SNRNP48: variants seen among roughly 807,000 people sequenced by gnomAD.
The protein encoded by SNRNP48 is small nuclear ribonucleoprotein U11/U12 subunit 48, also known as U11/U12 small nuclear ribonucleoprotein 48 kDa protein.
SNRNP48 carries 43 observed loss-of-function variants against 47.0 expected under a neutral mutation model. The observed-to-expected ratio is 0.92, with a 90% CI of 0.72 to 1.18. The LOEUF (loss-of-function observed/expected upper bound fraction) is 1.18, where lower values mean the gene tolerates loss of function less well. SNRNP48 is among the 50% of genes most tolerant of loss of function. The probability of loss-of-function intolerance (pLI) is 0.00; values close to 1 mark genes in which losing one functional copy is unlikely to be tolerated. For synonymous variants in SNRNP48, 138 were observed against 144.0 expected (o/e 0.96, Z 0.30); for missense variants, 396 against 422.2 (o/e 0.94, Z 0.54).
chr6:7,600,060 T>G (rs560750845), intron 4 of SNRNP48: 5 of 998,280 alleles, frequency 5.0e-6, no homozygotes, highest in Non-Finnish European at 6.0e-6. Context: ...TCAAAGCTGT[T>G]TTTATAATTT....
In SNRNP48 at chr6:7,592,372, AT is replaced by A. The variant is rs59852711; in HGVS notation, c.157-1345del. Among the ~76,000 whole-genome samples the A allele has an allele frequency of 9.5e-3, 1,315 of 139,052 alleles. 1 individual carries two copies. Among genetic ancestry groups the A allele is most frequent in the African/African-American group, 0.012 (457 of 37,942 alleles). The allele number at this position is 139,052 out of a possible 152,430, so 91.2% of individuals were successfully genotyped here. On this transcript the variant is annotated intron_variant, in intron 1 of 8. Transcript: ENST00000342415. ...TTGTCAGCCATATTAGAAAGTCTAG[AT>A]TTTTTTTTTTTTTTTTAATGAAGGC... is the stretch of plus-strand genomic sequence containing the variant.
At chr6:7,596,276 A>C (rs541259666) in intron 4 of SNRNP48, among the ~76,000 whole-genome samples, 10 of 151,930 alleles carry the variant, frequency 6.6e-5, no homozygotes, top group South Asian at 2.1e-4. Flanking sequence ...AAAAAAAAAA[A>C]CACACATAGA....
At chr6:7,595,740 A>C (rs1759893797) in intron 4 of SNRNP48, among the ~76,000 whole-genome samples, 1 of 152,194 alleles carries the variant, frequency 6.6e-6, no homozygotes, top group Non-Finnish European at 1.5e-5. Flanking sequence ...CTTGCTACCC[A>C]GTAAGTGAGT....
intron 8 of SNRNP48, among the ~76,000 whole-genome samples, chr6:7,608,502 C>T (rs1760174244): frequency 3.3e-5 from 5 of 151,952 alleles, no homozygotes; most frequent in Admixed American, 3.3e-4. Flanking sequence ...TGCAGTGAGC[C>T]AAGATCGTGC....
rs1240707968 is a variant in SNRNP48, at chr6:7,606,074, G to A, written c.850G>A (p.Gly284Ser). ...AGCTTCAGTAGATTCACGGCAGTCT[G>A]GTGGAAGCTATTTGGATGCTGAGTG... is the stretch of plus-strand genomic sequence containing the variant. ...RSASVDSRQS[G>S]GSYLDAECSR... The change falls in exon 8 of 9, where the codon GGT becomes AGT. Residue 284 changes from glycine to serine, a missense_variant. Physicochemically the swap from Gly to Ser is moderately conservative, Grantham distance 56. Transcript: ENST00000342415. 9 of 1,612,034 alleles carry A rather than the reference G, an allele frequency of 5.6e-6. No homozygotes were observed. Among genetic ancestry groups the A allele is most frequent in the Non-Finnish European group, 7.6e-6 (9 of 1,179,574 alleles).
At chr6:7,605,748 C>G (rs1229278883) in intron 7 of SNRNP48, among the ~76,000 whole-genome samples, 1 of 152,100 alleles carries the variant, frequency 6.6e-6, no homozygotes, top group Non-Finnish European at 1.5e-5. Context: ...GCCTAGTATT[C>G]CATTATGGGA....
At position 7,610,592 on chromosome 6, in the gene SNRNP48, G is replaced by C. The variant is rs910534843; in HGVS notation, c.*1719G>C. 13 of 152,194 alleles carry C rather than the reference G, an allele frequency of 8.5e-5. No homozygotes were observed. The highest frequency in any genetic ancestry group is 7.8e-4 in the Admixed American group (12 of 15,288). 9.4% of individuals were successfully genotyped at this position (152,194 alleles called of 1,614,324 possible). ...AACTGGAAGGAAGAAGAGTAAAATT[G>C]GCATATTTAGGTTTTTTGTAGAAGA... On this transcript the variant is annotated 3_prime_UTR_variant, in exon 9 of 9. Coordinates refer to ENST00000342415, the MANE Select transcript of SNRNP48 (RefSeq NM_152551.4).
In SNRNP48 at chr6:7,610,709, T is replaced by C. The variant is rs1294215778; in HGVS notation, c.*1836T>C. ...GAAGAGATTGAAAATGTTACCAGAG[T>C]TCTTTAAAGCTCACATTTTATAGTA... On this transcript the variant is annotated 3_prime_UTR_variant, in exon 9 of 9. Transcript: ENST00000342415. 6.6e-6 allele frequency: 1 copy of C among 151,820 alleles called. No individual in the cohort carries two copies. The highest frequency in any genetic ancestry group is 1.5e-5 in the Non-Finnish European group (1 of 67,952). 9.4% of individuals were successfully genotyped at this position (151,820 alleles called of 1,614,324 possible). A position where few individuals can be genotyped will look rare whatever the true frequency, so the allele number is the denominator to read the frequency against.
In SNRNP48 at chr6:7,590,242, C is replaced by G. The variant is rs889053273; in HGVS notation, c.-16C>G. 7.7e-7 allele frequency: 1 copy of G among 1,300,142 alleles called. No individual in the cohort carries two copies. Among genetic ancestry groups the G allele is most frequent in the Non-Finnish European group, 9.8e-7 (1 of 1,016,508 alleles). 80.5% of individuals were successfully genotyped at this position (1,300,142 alleles called of 1,614,324 possible). A position where few individuals can be genotyped will look rare whatever the true frequency, so the allele number is the denominator to read the frequency against. Reference sequence around the variant, plus strand: ...CTGCAGTTCGGCCGCTTCCTCTTGGCGGGTGGGCTGCAGCTATGGAGGGCG... The same window carrying G: ...CTGCAGTTCGGCCGCTTCCTCTTGGGGGGTGGGCTGCAGCTATGGAGGGCG... On this transcript the variant is annotated 5_prime_UTR_variant, in exon 1 of 9. Transcript: ENST00000342415.
Position 7,601,323 on chromosome 6 carries a change from A to G in SNRNP48, c.407-13A>G. 2 of 1,556,818 alleles carry G rather than the reference A, an allele frequency of 1.3e-6. No homozygotes were observed. The highest frequency in any genetic ancestry group is 1.7e-6 in the Non-Finnish European group (2 of 1,162,250). ...ATGTATTGTTTATTCTTGTGATTTT[A>G]TTTTTACTTTAGGAATTTATTCTTC... On this transcript the variant is annotated splice_polypyrimidine_tract_variant and intron_variant, in intron 4 of 8. Transcript: ENST00000342415.
intron 6 of SNRNP48, 145 bp from the exon 7 acceptor site, chr6:7,605,253 G>A: frequency 1.6e-6 from 1 of 609,960 alleles, no homozygotes; most frequent in Non-Finnish European, 2.9e-6. Context: ...CCTTTTCTGT[G>A]TTCTCTAAAC....
intron 6 of SNRNP48, among the ~76,000 whole-genome samples, chr6:7,604,826 T>C (rs1289049988): frequency 6.6e-6 from 1 of 152,334 alleles, no homozygotes; most frequent in East Asian, 1.9e-4. Context: ...TTTCATATTT[T>C]GTCTTATTAA....
At chr6:7,590,696 G>A (rs1759801143) in intron 1 of SNRNP48, among the ~76,000 whole-genome samples, 1 of 152,236 alleles carries the variant, frequency 6.6e-6, no homozygotes, top group Non-Finnish European at 1.5e-5. Context: ...GAAAACCGGG[G>A]GCCGGGCGCG....
In SNRNP48 at chr6:7,606,200, G is replaced by A. The variant is rs1037676452; in HGVS notation, c.971+5G>A. On this transcript the variant is annotated splice_donor_5th_base_variant and intron_variant, in intron 8 of 8. Transcript: ENST00000342415. ...GTCGAGAAGAAGGAAAGAGAGGTGG[G>A]TCTAACCCTGCATCATCCAACGTTG... 3 of 1,601,068 alleles carry A rather than the reference G, an allele frequency of 1.9e-6. No homozygotes were observed. Among genetic ancestry groups the A allele is most frequent in the South Asian group, 1.1e-5 (1 of 89,042 alleles).
chr6:7,602,801 T>A, intron 6 of SNRNP48, 57 bp downstream of exon 6: 1 of 1,474,538 alleles, frequency 6.8e-7, no homozygotes, highest in Non-Finnish European at 9.0e-7. Context: ...TTTCTAAATC[T>A]GTTCTATGAA....
At chr6:7,606,931 G>A (rs1760139338) in intron 8 of SNRNP48, among the ~76,000 whole-genome samples, 1 of 152,128 alleles carries the variant, frequency 6.6e-6, no homozygotes, top group African/African-American at 2.4e-5. Context: ...ATGAAATGAT[G>A]GTCATTTTCC....
At chr6:7,594,955 A>G (rs1405610396) in intron 3 of SNRNP48, 72 bp from the exon 4 acceptor site, 1 of 1,338,094 alleles carries the variant, frequency 7.5e-7, no homozygotes, top group Non-Finnish European at 1.0e-6. Flanking sequence ...CTTGGATCAG[A>G]AACCAGTTAA....
chr6:7,602,852 G>T, intron 6 of SNRNP48, 108 bp downstream of exon 6: 1 of 1,007,180 alleles, frequency 9.9e-7, no homozygotes, highest in Non-Finnish European at 1.4e-6. Flanking sequence ...GTGTCTTCAG[G>T]GTGGCCACAC....
In SNRNP48 at chr6:7,590,401, G is replaced by C; in HGVS notation, c.144G>C (p.Glu48Asp). Reference protein sequence around the residue: ...WDLDSLDPGEEEAAEDEVVIC... With the variant: ...WDLDSLDPGEDEAAEDEVVIC... Reference sequence around the variant, plus strand: ...TAGATAGTCTGGATCCCGGGGAAGAGGAGGCGGCGGAGGTGAGGAGCGCGG... The same window carrying C: ...TAGATAGTCTGGATCCCGGGGAAGACGAGGCGGCGGAGGTGAGGAGCGCGG... The change falls in exon 1 of 9, where the codon GAG (glutamate) becomes GAC (aspartate). Residue 48 changes from glutamate (E) to aspartate (D), a missense_variant. Coordinates refer to ENST00000342415, the MANE Select transcript of SNRNP48 (RefSeq NM_152551.4). 7.6e-7 allele frequency: 1 copy of C among 1,316,946 alleles called. No individual in the cohort carries two copies. The highest frequency in any genetic ancestry group is 9.8e-7 in the Non-Finnish European group (1 of 1,021,284). The allele number at this position is 1,316,946 out of a possible 1,614,324, so 81.6% of individuals were successfully genotyped here. A position where few individuals can be genotyped will look rare whatever the true frequency, so the allele number is the denominator to read the frequency against.
Sources: gnomAD v4.1 joint callset for allele counts (sites outside exome capture counted in the v4.1 genomes callset) on GRCh38, gnomAD v4.1.1 for gene constraint, MANE v1.5 for transcripts, NCBI Gene and HGNC (gene_info 2026-07-23, HGNC 2026-07-21) for gene names.